Variants in FAF1 observed in about 807,000 individuals in gnomAD.
FAF1 encodes the protein FAS-associated factor 1.
A neutral mutation model predicts 92.5 loss-of-function variants in FAF1; 25 were observed. The ratio of observed to expected loss-of-function variants is 0.27; its 90% confidence interval spans 0.20 to 0.38. The LOEUF (loss-of-function observed/expected upper bound fraction) is 0.38, where lower values mean the gene tolerates loss of function less well. Among genes scored for constraint, FAF1 ranks in the 10% least tolerant of loss-of-function variants. The pLI, the probability that FAF1 is intolerant of heterozygous loss-of-function variation, is 1.00. For synonymous variants in FAF1, 234 were observed against 273.2 expected (o/e 0.86, Z 1.42); for missense variants, 636 against 793.3 (o/e 0.80, Z 2.38).
At chr1:50,814,460 C>T (rs6692340) in intron 2 of FAF1, among the ~76,000 whole-genome samples, 133,632 of 152,158 alleles carry the variant, frequency 0.88, 58,856 homozygotes, top group East Asian at 0.93. Context: ...AAACCGACTA[C>T]AGATAAATTC....
chr1:50,878,371 A>G (rs1478232606), intron 1 of FAF1, among the ~76,000 whole-genome samples: 1 of 152,240 alleles, frequency 6.6e-6, no homozygotes, highest in Admixed American at 6.5e-5. Flanking sequence ...CAAAAGCCAA[A>G]GAAACCAGTA....
chr1:50,673,099 A>G (rs1655968624), intron 7 of FAF1, among the ~76,000 whole-genome samples: 1 of 152,156 alleles, frequency 6.6e-6, no homozygotes, highest in Admixed American at 6.5e-5. Flanking sequence ...ATCTACTAAA[A>G]ATACAAAAAT....
intron 2 of FAF1, among the ~76,000 whole-genome samples, chr1:50,831,481 C>T (rs1391669008): frequency 6.6e-6 from 1 of 152,130 alleles, no homozygotes; most frequent in Non-Finnish European, 1.5e-5. Flanking sequence ...ACACTGGGAG[C>T]TCCTTAAGAG....
chr1:50,790,185 G>A (rs907939309), intron 3 of FAF1, among the ~76,000 whole-genome samples: 1 of 152,042 alleles, frequency 6.6e-6, no homozygotes, highest in Non-Finnish European at 1.5e-5. Flanking sequence ...ACTGTTGCCT[G>A]GGCTGGAGTG....
chr1:50,656,537 T>A (rs925642353), intron 7 of FAF1, among the ~76,000 whole-genome samples: 77 of 152,160 alleles, frequency 5.1e-4, no homozygotes, highest in African/African-American at 1.8e-3. Flanking sequence ...GGAAAGGAGG[T>A]AAACTTATCA....
At chr1:50,578,740 A>G (rs1390053356) in intron 12 of FAF1, among the ~76,000 whole-genome samples, 1 of 152,196 alleles carries the variant, frequency 6.6e-6, no homozygotes, top group East Asian at 1.9e-4. Flanking sequence ...ACCACAGAGC[A>G]TCACAGAATT....
At chr1:50,875,459 T>TC (rs1395415828) in intron 1 of FAF1, among the ~76,000 whole-genome samples, 2 of 152,094 alleles carry the variant, frequency 1.3e-5, no homozygotes, top group African/African-American at 2.4e-5. Flanking sequence ...ATTCTTTTTT[T>TC]CTTTTTTTTC....
At chr1:50,500,740 AC>A (rs1646973852) in intron 15 of FAF1, among the ~76,000 whole-genome samples, 1 of 152,154 alleles carries the variant, frequency 6.6e-6, no homozygotes, top group Non-Finnish European at 1.5e-5. Context: ...TATCATGTGT[AC>A]CCCATAAATA....
chr1:50,616,708 T>A (rs1027255404), intron 8 of FAF1, among the ~76,000 whole-genome samples: 5 of 148,776 alleles, frequency 3.4e-5, no homozygotes, highest in African/African-American at 1.3e-4. Flanking sequence ...TGAGACAGAG[T>A]CTCACTCTGT....
chr1:50,819,717 G>GTATA (rs1309594149), intron 2 of FAF1, among the ~76,000 whole-genome samples: 1 of 12,776 alleles, frequency 7.8e-5, no homozygotes, highest in African/African-American at 2.3e-4. Flanking sequence ...ATATATATAC[G>GTATA]TATATATATA....
In FAF1 at chr1:50,950,032, G is replaced by A. The variant is rs556002945; in HGVS notation, c.45+9735C>T. Among the ~76,000 whole-genome samples the A allele has an allele frequency of 2.7e-3, 412 of 151,662 alleles. 4 individuals are homozygous for A. The highest frequency in any genetic ancestry group is 3.5e-3 in the Non-Finnish European group (239 of 67,950). Reference sequence around the variant, plus strand: ...AATTTATTTTTTTTTGTAGAGACACGATCTTGTTATGTTGCCCAAGCTGAT... The same window carrying A: ...AATTTATTTTTTTTTGTAGAGACACAATCTTGTTATGTTGCCCAAGCTGAT... On this transcript the variant is annotated intron_variant, in intron 1 of 18. Coordinates refer to ENST00000396153, the MANE Select transcript of FAF1 (RefSeq NM_007051.3).
intron 1 of FAF1, among the ~76,000 whole-genome samples, chr1:50,906,310 C>T (rs1052045541): frequency 3.3e-5 from 5 of 152,104 alleles, no homozygotes; most frequent in Non-Finnish European, 5.9e-5. Context: ...AGTCAGGTAA[C>T]GTGATGCCTC....
chr1:50,939,703 T>C (rs1188831301), intron 1 of FAF1, among the ~76,000 whole-genome samples: 1 of 152,218 alleles, frequency 6.6e-6, no homozygotes, highest in Non-Finnish European at 1.5e-5. Context: ...GTTCCTTCCA[T>C]GCCTAGTCTG....
At chr1:50,864,182 G>GT (rs1417168343) in intron 1 of FAF1, among the ~76,000 whole-genome samples, 2 of 150,178 alleles carry the variant, frequency 1.3e-5, no homozygotes, top group African/African-American at 4.9e-5. Context: ...TTTTTGAAGG[G>GT]TTTTTTGTGT....
At chr1:50,604,071 C>G (rs376931518) in intron 8 of FAF1, among the ~76,000 whole-genome samples, 1 of 152,104 alleles carries the variant, frequency 6.6e-6, no homozygotes. Context: ...TGTAAGCAAC[C>G]GGAGCTGGAA....
chr1:50,685,683 G>A (rs910533944), intron 7 of FAF1, among the ~76,000 whole-genome samples: 12 of 152,214 alleles, frequency 7.9e-5, no homozygotes, highest in African/African-American at 2.7e-4. Context: ...GTGTACAAGT[G>A]TACAGCTACT....
chr1:50,609,835 A>C (rs1337453260), intron 8 of FAF1, among the ~76,000 whole-genome samples: 1 of 152,114 alleles, frequency 6.6e-6, no homozygotes, highest in Non-Finnish European at 1.5e-5. Flanking sequence ...CCAAAATATA[A>C]CTATATTTTA....
chr1:50,844,616 A>T (rs1280900634), intron 2 of FAF1, among the ~76,000 whole-genome samples: 1 of 151,466 alleles, frequency 6.6e-6, no homozygotes, highest in Non-Finnish European at 1.5e-5. Context: ...AGCAGTGTCA[A>T]CATAATGATG....
At position 50,805,987 on chromosome 1, in the gene FAF1, T is replaced by C. The variant is rs531879822; in HGVS notation, c.115-4310A>G. Reference sequence around the variant, plus strand: ...AGAAGAAAACTGTCACAACAATGGGTAGGCAAATGATGAAAAATAAAGAAT... The same window carrying C: ...AGAAGAAAACTGTCACAACAATGGGCAGGCAAATGATGAAAAATAAAGAAT... On this transcript the variant is annotated intron_variant, in intron 2 of 18. Transcript: ENST00000396153. Among the ~76,000 whole-genome samples, 261 of 151,670 alleles carry C rather than the reference T, an allele frequency of 1.7e-3. 1 individual carries two copies. Among genetic ancestry groups the C allele is most frequent in the Non-Finnish European group, 2.9e-3 (196 of 67,830 alleles).
Sources: gnomAD v4.1 joint callset for allele counts (sites outside exome capture counted in the v4.1 genomes callset) on GRCh38, gnomAD v4.1.1 for gene constraint, MANE v1.5 for transcripts, NCBI Gene and HGNC (gene_info 2026-07-23, HGNC 2026-07-21) for gene names.